Variants in HNRNPH3 observed in about 807,000 individuals in gnomAD.
The protein encoded by HNRNPH3 is heterogeneous nuclear ribonucleoprotein 2H9.
Under a neutral mutation model 47.0 loss-of-function variants are expected in HNRNPH3, and 7 were observed. That is an observed-to-expected ratio of 0.15 (90% CI 0.08 to 0.28). HNRNPH3 has a LOEUF of 0.28. Ranked by LOEUF, HNRNPH3 falls within the 10% of genes least tolerant of loss-of-function variation. HNRNPH3 has a pLI of 1.00. For synonymous variants in HNRNPH3, 120 were observed against 143.2 expected (o/e 0.84, Z 1.16); for missense variants, 279 against 449.6 (o/e 0.62, Z 3.43).
At chr10:68,341,102 A>C in intron 6 of HNRNPH3, 72 bp from the exon 7 acceptor site, 1 of 1,114,478 alleles carries the variant, frequency 9.0e-7, no homozygotes. Context: ...TTGATGAGGA[A>C]AAATCAAGGT....
chr10:68,337,018 C>T lies in HNRNPH3; in HGVS notation c.-23-181C>T, dbSNP rs1023864007. ...TTTTCCGTAGGAGGGGGTCAGGTCT[C>T]ATTGCCTTTTCCGTACCCCAAAATA... On this transcript the variant is annotated intron_variant, in intron 1 of 9. Coordinates refer to ENST00000265866, the MANE Select transcript of HNRNPH3 (RefSeq NM_012207.3). The surrounding 1 kb of genome is among the most constrained non-coding windows in gnomAD (Gnocchi z 4.5). The T allele has an allele frequency of 4.1e-5, 20 of 482,980 alleles. No homozygotes were observed. Among genetic ancestry groups the T allele is most frequent in the African/African-American group, 2.2e-4 (11 of 50,358 alleles). The allele number at this position is 482,980 out of a possible 1,614,324, so 29.9% of individuals were successfully genotyped here.
At chr10:68,333,881 CAGT>C (rs1389379574) in intron 1 of HNRNPH3, among the ~76,000 whole-genome samples, 1 of 152,216 alleles carries the variant, frequency 6.6e-6, no homozygotes, top group Non-Finnish European at 1.5e-5. Flanking sequence ...TACCTTGAAA[CAGT>C]AGGTTTGAGT....
chr10:68,338,887 A>C (rs1057115884), intron 4 of HNRNPH3, 200 bp downstream of exon 4: 2 of 536,024 alleles, frequency 3.7e-6, no homozygotes, highest in Non-Finnish European at 6.3e-6. Flanking sequence ...CAGAAATTAA[A>C]ATTAAGATGT....
chr10:68,339,994 C>T (rs1474009628), intron 6 of HNRNPH3, among the ~76,000 whole-genome samples: 3 of 151,950 alleles, frequency 2.0e-5, no homozygotes, highest in Non-Finnish European at 1.5e-5. Context: ...ATGGTGATGA[C>T]TATACCATTT....
chr10:68,341,104 A>T (rs759313102), intron 6 of HNRNPH3, 70 bp from the exon 7 acceptor site: 3 of 1,126,794 alleles, frequency 2.7e-6, no homozygotes, highest in Non-Finnish European at 3.7e-6. Flanking sequence ...GATGAGGAAA[A>T]ATCAAGGTAT....
Position 68,341,327 on chromosome 10 carries a change from C to T in HNRNPH3, c.775+18C>T, listed in dbSNP as rs554051338. 5.0e-6 allele frequency: 8 copies of T among 1,589,684 alleles called. No individual in the cohort carries two copies. The African/African-American group carries it at 6.8e-5, about 14-fold the overall frequency. ...TAACATGCGTAAGTGGTGTCTTTGGCACACAATCTTATTTCCTAAACGTGA... is the reference window on the plus strand; with the variant it reads ...TAACATGCGTAAGTGGTGTCTTTGGTACACAATCTTATTTCCTAAACGTGA... On this transcript the variant is annotated intron_variant, in intron 7 of 9. Coordinates refer to ENST00000265866, the MANE Select transcript of HNRNPH3 (RefSeq NM_012207.3).
rs1003962387 is a variant in HNRNPH3 at position 68,342,488 on chromosome 10, C to T, written c.*434C>T. Reference sequence around the variant, plus strand: ...GTGTAACTTTTTTCTTTAGTTCCTCCTGGACAACACTGTAAATATAAAGCC... The same window carrying T: ...GTGTAACTTTTTTCTTTAGTTCCTCTTGGACAACACTGTAAATATAAAGCC... On this transcript the variant is annotated 3_prime_UTR_variant, in exon 10 of 10. Coordinates refer to ENST00000265866, the MANE Select transcript of HNRNPH3 (RefSeq NM_012207.3). The T allele has an allele frequency of 2.6e-5, 4 of 154,932 alleles. No homozygotes were observed. Among genetic ancestry groups the T allele is most frequent in the African/African-American group, 7.2e-5 (3 of 41,450 alleles). 9.6% of individuals were successfully genotyped at this position (154,932 alleles called of 1,614,324 possible).
At chr10:68,333,269 T>C (rs1165600035) in intron 1 of HNRNPH3, among the ~76,000 whole-genome samples, 4 of 150,408 alleles carry the variant, frequency 2.7e-5, no homozygotes, top group East Asian at 1.9e-4. Context: ...AATTGTTGCT[T>C]TTTGAACTTT....
At chr10:68,333,533 C>G (rs1054937187) in intron 1 of HNRNPH3, among the ~76,000 whole-genome samples, 3 of 151,948 alleles carry the variant, frequency 2.0e-5, no homozygotes, top group Non-Finnish European at 4.4e-5. Flanking sequence ...CTTTTGGTAG[C>G]TAGGCATGTT....
Position 68,341,795 on chromosome 10 carries a change from G to C in HNRNPH3, c.908G>C (p.Gly303Ala), listed in dbSNP as rs771942795. 32 of 1,610,152 alleles carry C rather than the reference G, an allele frequency of 2.0e-5. No individual in the cohort carries two copies. The highest frequency in any genetic ancestry group is 8.5e-5 in the Admixed American group (5 of 59,076). Reference sequence around the variant, plus strand: ...GGCTATGGATCAGTTGGAAGAATGGGAATGGGGAACAATTACAGTGGAGGA... The same window carrying C: ...GGCTATGGATCAGTTGGAAGAATGGCAATGGGGAACAATTACAGTGGAGGA... The part of the protein sequence containing the change: ...QGGYGSVGRM[G>A]MGNNYSGGYG... Residue 303 changes from glycine (G) to alanine (A), a missense_variant, in exon 9 of 10, where the codon GGA becomes GCA. Gly to Ala is a moderately conservative substitution (Grantham distance 60). Around this residue, in one of 2 missense-constraint regions of HNRNPH3, gnomAD observed 239 missense variants for 335.8 expected, o/e 0.71. Transcript: ENST00000265866.
intron 1 of HNRNPH3, chr10:68,332,640 G>C (rs747807531): frequency 3.3e-5 from 5 of 152,282 alleles, no homozygotes; most frequent in African/African-American, 4.8e-5. Flanking sequence ...GGATGAGGGT[G>C]GGTAGTGAAG....
Position 68,341,821 on chromosome 10 carries a change from T to C in HNRNPH3, c.934T>C (p.Tyr312His), listed in dbSNP as rs2045972864. ...AATGGGGAACAATTACAGTGGAGGA[T>C]ATGGTACTCCTGATGGTTTGGGTGG... ...MGMGNNYSGG[Y>H]GTPDGLGGYG... Residue 312 changes from tyrosine (Y) to histidine (H), a missense_variant, in exon 9 of 10, where the codon TAT (tyrosine) becomes CAT (histidine). Around this residue, in one of 2 missense-constraint regions of HNRNPH3, gnomAD observed 239 missense variants for 335.8 expected, o/e 0.71. Coordinates refer to ENST00000265866, the MANE Select transcript of HNRNPH3 (RefSeq NM_012207.3). The C allele has an allele frequency of 1.2e-6, 2 of 1,610,630 alleles. No homozygotes were observed. The highest frequency in any genetic ancestry group is 1.7e-6 in the Non-Finnish European group (2 of 1,177,820).
intron 1 of HNRNPH3, among the ~76,000 whole-genome samples, chr10:68,336,062 AC>A (rs886940523): frequency 6.6e-6 from 1 of 152,290 alleles, no homozygotes; most frequent in African/African-American, 2.4e-5. Context: ...TGCAGATGCC[AC>A]CCCTAAGAGA....
chr10:68,335,408 G>GT (rs1409330122), intron 1 of HNRNPH3, among the ~76,000 whole-genome samples: 1 of 142,880 alleles, frequency 7.0e-6, no homozygotes, highest in African/African-American at 2.5e-5. Flanking sequence ...GGAAACACTT[G>GT]TTTTTTAGGT....
rs1220292856 is a variant in HNRNPH3 at position 68,337,563 on chromosome 10, G to A, written c.112+230G>A. 1 of 550,952 alleles carries A rather than the reference G, an allele frequency of 1.8e-6. No homozygotes were observed. The highest frequency in any genetic ancestry group is 1.9e-5 in the African/African-American group (1 of 52,790). The allele number at this position is 550,952 out of a possible 1,614,324, so 34.1% of individuals were successfully genotyped here. ...ACATATTTGAGAATTGTGATGAAATGAACCGTGAATTAGTATATGGAGCAT... is the reference window on the plus strand; with the variant it reads ...ACATATTTGAGAATTGTGATGAAATAAACCGTGAATTAGTATATGGAGCAT... On this transcript the variant is annotated intron_variant, in intron 2 of 9. Coordinates refer to ENST00000265866, the MANE Select transcript of HNRNPH3 (RefSeq NM_012207.3). The surrounding 1 kb of genome is among the most constrained non-coding windows in gnomAD (Gnocchi z 4.5).
chr10:68,342,205 G>A lies in HNRNPH3; in HGVS notation c.*151G>A. The A allele has an allele frequency of 1.8e-6, 1 of 556,242 alleles. No individual in the cohort carries two copies. The highest frequency in any genetic ancestry group is 3.2e-5 in the East Asian group (1 of 31,630). 34.5% of individuals were successfully genotyped at this position (556,242 alleles called of 1,614,324 possible). ...ATTTGGTAAAGCAACAGATTGTGAT[G>A]GGAAAATGTTTTCTGTAGGTTTATT... On this transcript the variant is annotated 3_prime_UTR_variant, in exon 10 of 10. Coordinates refer to ENST00000265866, the MANE Select transcript of HNRNPH3 (RefSeq NM_012207.3).
intron 6 of HNRNPH3, 48 bp from the exon 7 acceptor site, chr10:68,341,121 ATTTAC>A (rs2045905816): frequency 2.3e-6 from 3 of 1,310,400 alleles, no homozygotes; most frequent in Admixed American, 2.5e-5. Flanking sequence ...GTATGTGGTA[ATTTAC>A]TTTAATATTC....
chr10:68,339,260 G>A, intron 5 of HNRNPH3, 34 bp downstream of exon 5: 1 of 1,579,846 alleles, frequency 6.3e-7, no homozygotes, highest in South Asian at 1.1e-5. Context: ...TTTATTCATA[G>A]GTAAATTTTA....
chr10:68,335,217 A>G (rs1393044789), intron 1 of HNRNPH3, among the ~76,000 whole-genome samples: 1 of 150,202 alleles, frequency 6.7e-6, no homozygotes, highest in Non-Finnish European at 1.5e-5. Flanking sequence ...TGGGTAAATT[A>G]ATTTTTCTTT....
Sources: gnomAD v4.1 joint callset for allele counts (sites outside exome capture counted in the v4.1 genomes callset) on GRCh38, gnomAD v4.1.1 for gene constraint, gnomAD v4.1.1 regional missense constraint, Gnocchi (gnomAD v3.1) non-coding constraint, MANE v1.5 for transcripts, NCBI Gene and HGNC (gene_info 2026-07-23, HGNC 2026-07-21) for gene names.